ARSB: variants seen among roughly 807,000 people sequenced by gnomAD.
ARSB encodes the protein N-acetylgalactosamine-4-sulfatase.
In ARSB, 41 loss-of-function variants were observed where a neutral mutation model predicts 50.9. That is an observed-to-expected ratio of 0.81 (90% CI 0.63 to 1.04). ARSB has a LOEUF of 1.04. ARSB is among the 50% of genes least tolerant of loss of function. The probability of loss-of-function intolerance (pLI) is 0.00; values close to 1 mark genes in which losing one functional copy is unlikely to be tolerated. For missense variants in ARSB, 672 were observed against 693.3 expected (o/e 0.97, Z 0.35); for synonymous variants, 269 against 284.8 (o/e 0.94, Z 0.56).
At chr5:78,889,246 G>A (rs568590468) in intron 4 of ARSB, among the ~76,000 whole-genome samples, 1 of 152,236 alleles carries the variant, frequency 6.6e-6, no homozygotes, top group East Asian at 1.9e-4. Context: ...GGTGGAAAAG[G>A]GAGTTTCCTA....
intron 6 of ARSB, among the ~76,000 whole-genome samples, chr5:78,807,864 C>T (rs533486672): frequency 5.9e-5 from 9 of 151,988 alleles, no homozygotes; most frequent in South Asian, 2.1e-4. Flanking sequence ...GAGGCCGAGG[C>T]GGGCGGATCA....
At chr5:78,789,409 G>C (rs374523872) in intron 6 of ARSB, among the ~76,000 whole-genome samples, 1 of 152,220 alleles carries the variant, frequency 6.6e-6, no homozygotes, top group Middle Eastern at 3.2e-3. Flanking sequence ...CATGGGTAGA[G>C]ATCAGCAAGA....
intron 6 of ARSB, among the ~76,000 whole-genome samples, chr5:78,810,167 G>A (rs1225658148): frequency 6.6e-6 from 1 of 152,232 alleles, no homozygotes; most frequent in Non-Finnish European, 1.5e-5. Context: ...AAAAGGTTAA[G>A]TGGTCATTTC....
chr5:78,894,280 T>A (rs1748467977), intron 4 of ARSB, among the ~76,000 whole-genome samples: 1 of 152,244 alleles, frequency 6.6e-6, no homozygotes, highest in African/African-American at 2.4e-5. Context: ...TCAGAGATGG[T>A]TAAGCCAGAG....
intron 6 of ARSB, among the ~76,000 whole-genome samples, chr5:78,793,296 T>C (rs1743048977): frequency 6.6e-6 from 1 of 152,200 alleles, no homozygotes; most frequent in South Asian, 2.1e-4. Context: ...ATCCATCCTA[T>C]TATTTTCATG....
At chr5:78,944,126 C>A (rs1357673993) in intron 4 of ARSB, among the ~76,000 whole-genome samples, 2 of 152,192 alleles carry the variant, frequency 1.3e-5, no homozygotes, top group Non-Finnish European at 2.9e-5. Flanking sequence ...TTTTCAGCTC[C>A]ATCAGGTCCT....
At chr5:78,857,361 G>A (rs1746201416) in intron 5 of ARSB, among the ~76,000 whole-genome samples, 1 of 152,106 alleles carries the variant, frequency 6.6e-6, no homozygotes, top group Non-Finnish European at 1.5e-5. Context: ...ATTGCAATCT[G>A]TTATCTAGGT....
chr5:78,939,019 C>T (rs1750764894), intron 4 of ARSB, among the ~76,000 whole-genome samples: 1 of 152,172 alleles, frequency 6.6e-6, no homozygotes, highest in Non-Finnish European at 1.5e-5. Flanking sequence ...ACTGTGACAA[C>T]CAAACCACTT....
chr5:78,891,030 A>C (rs901272001), intron 4 of ARSB, among the ~76,000 whole-genome samples: 2 of 152,092 alleles, frequency 1.3e-5, no homozygotes, highest in Non-Finnish European at 2.9e-5. Context: ...CTTCCCCATG[A>C]ACTCTGCTTC....
At chr5:78,917,390 AATTT>A (rs1353862100) in intron 4 of ARSB, among the ~76,000 whole-genome samples, 2 of 152,116 alleles carry the variant, frequency 1.3e-5, no homozygotes, top group African/African-American at 4.8e-5. Context: ...ATTTTATTGA[AATTT>A]ATTTATCTGA....
intron 1 of ARSB, among the ~76,000 whole-genome samples, chr5:78,983,832 G>A (rs1436586490): frequency 1.3e-5 from 2 of 152,140 alleles, no homozygotes; most frequent in Non-Finnish European, 2.9e-5. Context: ...CAGGTTATGC[G>A]AACACACACT....
chr5:78,780,525 G>C lies in ARSB; in HGVS notation c.1474C>G (p.Pro492Ala). The part of the protein sequence containing the change: ...EERHDLSREY[P>A]HIVTKLLSRL... ...GACAGGAGCTTTGTGACGATGTGAG[G>C]ATATTCTCTGGACAGGTCATGTCTT... is the stretch of plus-strand genomic sequence containing the variant. Residue 492 changes from proline (P) to alanine (A), a missense_variant, in exon 8 of 8, where the codon CCT (proline) becomes GCT (alanine). By Grantham distance (27) the Pro-to-Ala change is conservative. Coordinates refer to ENST00000264914, the MANE Select transcript of ARSB (RefSeq NM_000046.5). 6.2e-7 allele frequency: 1 copy of C among 1,614,132 alleles called. No individual in the cohort carries two copies. Among genetic ancestry groups the C allele is most frequent in the South Asian group, 1.1e-5 (1 of 91,076 alleles).
chr5:78,975,655 T>C (rs1752634276), intron 1 of ARSB, among the ~76,000 whole-genome samples: 1 of 152,226 alleles, frequency 6.6e-6, no homozygotes, highest in Non-Finnish European at 1.5e-5. Flanking sequence ...CTTTAAGGCC[T>C]ATCACTTTCT....
At chr5:78,815,536 CA>C in intron 6 of ARSB, 3 of 986,440 alleles carry the variant, frequency 3.0e-6, no homozygotes, top group Admixed American at 5.9e-5. Flanking sequence ...GGCAGCCTGT[CA>C]AAAAAGGTGG....
Position 78,985,163 on chromosome 5 carries a change from A to G in ARSB, c.86T>C (p.Leu29Pro). 6.9e-7 allele frequency: 1 copy of G among 1,443,386 alleles called. No homozygotes were observed. The highest frequency in any genetic ancestry group is 2.9e-5 in the East Asian group (1 of 34,722). 89.4% of individuals were successfully genotyped at this position (1,443,386 alleles called of 1,614,324 possible). A position where few individuals can be genotyped will look rare whatever the true frequency, so the allele number is the denominator to read the frequency against. ...LLPVVLPLLL[L>P]LLLAPPGSGA... is the part of the protein sequence containing the mutation. The stretch of plus-strand genomic sequence containing the variant: ...CGAGCCCGGCGGCGCCAACAACAGC[A>G]GCAGCAGCAGCGGGAGGACGACGGG... Residue 29 changes from leucine (L) to proline (P), a missense_variant, in exon 1 of 8, where the codon CTG (leucine) becomes CCG (proline). Transcript: ENST00000264914.
chr5:78,842,493 A>G (rs1745270309), intron 5 of ARSB, among the ~76,000 whole-genome samples: 1 of 152,172 alleles, frequency 6.6e-6, no homozygotes, highest in Non-Finnish European at 1.5e-5. Context: ...CTGTCTACTG[A>G]GGAGTTAAAA....
chr5:78,874,594 A>T (rs1234453014), intron 5 of ARSB, among the ~76,000 whole-genome samples: 1 of 152,090 alleles, frequency 6.6e-6, no homozygotes, highest in African/African-American at 2.4e-5. Context: ...CTACTAAATA[A>T]AAGGTCAAAG....
chr5:78,848,642 C>T (rs1745581632), intron 5 of ARSB, among the ~76,000 whole-genome samples: 1 of 152,068 alleles, frequency 6.6e-6, no homozygotes. Context: ...GAGGAATCAT[C>T]ACACTGACTT....
rs774644004 is a variant in ARSB at position 78,885,606 on chromosome 5, A to G, written c.1120T>C (p.Phe374Leu). The change falls in exon 5 of 8, where the codon TTC (phenylalanine) becomes CTC (leucine). Residue 374 changes from phenylalanine (F) to leucine (L), a missense_variant. Transcript: ENST00000264914. Reference protein sequence around the residue: ...HTNGTKPLDGFDVWKTISEGS... With the variant: ...HTNGTKPLDGLDVWKTISEGS... ...TACCTGATGGTTTTCCACACGTCGAAGCCATCCAGAGGCTTTGTGCCATTG... is the reference window on the plus strand; with the variant it reads ...TACCTGATGGTTTTCCACACGTCGAGGCCATCCAGAGGCTTTGTGCCATTG... The G allele has an allele frequency of 1.9e-6, 3 of 1,614,086 alleles. No individual in the cohort carries two copies. Among genetic ancestry groups the G allele is most frequent in the South Asian group, 2.2e-5 (2 of 91,086 alleles).
Sources: gnomAD v4.1 joint callset for allele counts (sites outside exome capture counted in the v4.1 genomes callset) on GRCh38, gnomAD v4.1.1 for gene constraint, MANE v1.5 for transcripts, NCBI Gene and HGNC (gene_info 2026-07-23, HGNC 2026-07-21) for gene names.